Variants in PI15 observed in about 807,000 individuals in gnomAD.
The protein encoded by PI15 is peptidase inhibitor 15.
A neutral mutation model predicts 31.0 loss-of-function variants in PI15; 18 were observed. That is an observed-to-expected ratio of 0.58 (90% CI 0.40 to 0.86). PI15 has a LOEUF of 0.86. Among genes scored for constraint, PI15 ranks in the 40% least tolerant of loss-of-function variants. The probability of loss-of-function intolerance (pLI) is 0.00; values close to 1 mark genes in which losing one functional copy is unlikely to be tolerated. For synonymous variants in PI15, 118 were observed against 119.1 expected, an observed-to-expected ratio of 0.99 and a Z score of 0.06; for missense variants, 282 against 328.1, an observed-to-expected ratio of 0.86 and a Z score of 1.09.
In PI15 at chr8:74,827,579, C is replaced by A. The variant is rs150562385; in HGVS notation, c.273+2057C>A. The stretch of plus-strand genomic sequence containing the variant: ...AGACCCACAGATGTCAACGAGTAGG[C>A]CAAAGTGGTAAGGATAATGAATGGC... On this transcript the variant is annotated intron_variant, in intron 2 of 5. Coordinates refer to ENST00000260113, the MANE Select transcript of PI15 (RefSeq NM_015886.5). Among the ~76,000 whole-genome samples, 109 of 152,178 alleles carry A rather than the reference C, an allele frequency of 7.2e-4. No individual in the cohort carries two copies. The East Asian group carries it at 0.02, about 28-fold the overall frequency.
intron 3 of PI15, 125 bp from the exon 4 acceptor site, chr8:74,845,003 G>C (rs1406339429): frequency 3.9e-6 from 3 of 776,026 alleles, no homozygotes; most frequent in Non-Finnish European, 6.5e-6. Context: ...TGATTGTGAG[G>C]GGTGGATGTG....
At chr8:74,828,074 C>T (rs184999640) in intron 2 of PI15, among the ~76,000 whole-genome samples, 1 of 152,200 alleles carries the variant, frequency 6.6e-6, no homozygotes, top group African/African-American at 2.4e-5. Context: ...ATTGGGGATA[C>T]ATTCATGAAT....
At position 74,848,102 on chromosome 8, in the gene PI15, T is replaced by A. The variant is rs181519897; in HGVS notation, c.642-1016T>A. On this transcript the variant is annotated intron_variant, in intron 5 of 5. Coordinates refer to ENST00000260113, the MANE Select transcript of PI15 (RefSeq NM_015886.5). ...TGGAGATTTTGGTTTATTATTATGATAATGGCCATCAACACAGTGAAGGAA... is the reference window on the plus strand; with the variant it reads ...TGGAGATTTTGGTTTATTATTATGAAAATGGCCATCAACACAGTGAAGGAA... Among the ~76,000 whole-genome samples, 461 of 152,272 alleles carry A rather than the reference T, an allele frequency of 3.0e-3. 7 individuals carry two copies. Among genetic ancestry groups the A allele is most frequent in the African/African-American group, 4.2e-3 (175 of 41,558 alleles).
At chr8:74,829,208 T>C (rs1175417804) in intron 2 of PI15, among the ~76,000 whole-genome samples, 3 of 152,140 alleles carry the variant, frequency 2.0e-5, no homozygotes, top group African/African-American at 7.2e-5. Flanking sequence ...ATTTTGATAT[T>C]ATAAATGTCT....
chr8:74,849,303 G>A lies in PI15; in HGVS notation c.*50G>A, dbSNP rs1563571135. The stretch of plus-strand genomic sequence containing the variant: ...TAATGATTTCTGGGAACATGGGCAT[G>A]TATATATATATATGGAGAGAGAATT... On this transcript the variant is annotated 3_prime_UTR_variant, in exon 6 of 6. Coordinates refer to ENST00000260113, the MANE Select transcript of PI15 (RefSeq NM_015886.5). 15 of 1,323,850 alleles carry A rather than the reference G, an allele frequency of 1.1e-5. No individual in the cohort carries two copies. Among genetic ancestry groups the A allele is most frequent in the South Asian group, 2.6e-5 (2 of 76,300 alleles). The allele number at this position is 1,323,850 out of a possible 1,614,324, so 82.0% of individuals were successfully genotyped here. A position where few individuals can be genotyped will look rare whatever the true frequency, so the allele number is the denominator to read the frequency against.
intron 2 of PI15, 83 bp downstream of exon 2, chr8:74,825,605 G>T (rs940710973): frequency 1.7e-6 from 2 of 1,149,962 alleles, no homozygotes; most frequent in Admixed American, 2.2e-5. Context: ...AAACGACCAC[G>T]AGTGTTTATA....
At chr8:74,842,408 T>G (rs1810957617) in intron 2 of PI15, among the ~76,000 whole-genome samples, 1 of 152,118 alleles carries the variant, frequency 6.6e-6, no homozygotes, top group Non-Finnish European at 1.5e-5. Context: ...TAGAATAATA[T>G]ATAAATATTA....
intron 2 of PI15, among the ~76,000 whole-genome samples, chr8:74,842,995 A>T (rs1225383039): frequency 6.6e-6 from 1 of 152,182 alleles, no homozygotes; most frequent in East Asian, 1.9e-4. Context: ...ACCACCAATG[A>T]TTCAAATTAT....
rs763073877 is a variant in PI15 at position 74,849,158 on chromosome 8, C to T, written c.682C>T (p.Pro228Ser). Residue 228 changes from proline (P) to serine (S), a missense_variant, in exon 6 of 6, where the codon CCA (proline) becomes TCA (serine). By Grantham distance (74) the Pro-to-Ser change is moderately conservative. Coordinates refer to ENST00000260113, the MANE Select transcript of PI15 (RefSeq NM_015886.5). ...AGAAGCACCATATAAAGTAGGGGTACCATGTTCATCTTGTCCTCCAAGTTA... is the reference window on the plus strand; with the variant it reads ...AGAAGCACCATATAAAGTAGGGGTATCATGTTCATCTTGTCCTCCAAGTTA... Reference protein sequence around the residue: ...IGEAPYKVGVPCSSCPPSYGG... With the variant: ...IGEAPYKVGVSCSSCPPSYGG... 6.2e-7 allele frequency: 1 copy of T among 1,612,510 alleles called. No homozygotes were observed. The highest frequency in any genetic ancestry group is 8.5e-7 in the Non-Finnish European group (1 of 1,178,818).
intron 2 of PI15, among the ~76,000 whole-genome samples, chr8:74,842,017 T>C (rs1163260781): frequency 6.6e-6 from 1 of 152,110 alleles, no homozygotes; most frequent in Admixed American, 6.6e-5. Flanking sequence ...GTTTATCTTT[T>C]TTTTTCTTAT....
At chr8:74,845,768 A>G (rs1811017137) in intron 5 of PI15, 1 of 399,586 alleles carries the variant, frequency 2.5e-6, no homozygotes, top group Non-Finnish European at 4.6e-6. Flanking sequence ...AATTATGGCA[A>G]TTGTAAAATA....
chr8:74,833,017 C>G (rs1810810350), intron 2 of PI15, among the ~76,000 whole-genome samples: 1 of 152,220 alleles, frequency 6.6e-6, no homozygotes, highest in Non-Finnish European at 1.5e-5. Context: ...CCAGAGAGAT[C>G]ATGTTTTCAG....
In PI15 at chr8:74,849,296, T is replaced by G; in HGVS notation, c.*43T>G. 6.6e-7 allele frequency: 1 copy of G among 1,518,998 alleles called. No homozygotes were observed. The highest frequency in any genetic ancestry group is 1.7e-5 in the Admixed American group (1 of 57,812). 94.1% of individuals were successfully genotyped at this position (1,518,998 alleles called of 1,614,324 possible). ...GGAAATATAATGATTTCTGGGAACA[T>G]GGGCATGTATATATATATATGGAGA... is the stretch of plus-strand genomic sequence containing the variant. On this transcript the variant is annotated 3_prime_UTR_variant, in exon 6 of 6. Transcript: ENST00000260113.
intron 2 of PI15, among the ~76,000 whole-genome samples, chr8:74,829,572 A>G (rs967830891): frequency 3.3e-5 from 5 of 152,164 alleles, no homozygotes; most frequent in Non-Finnish European, 7.4e-5. Flanking sequence ...AATTAATTTG[A>G]AAAACTTTGA....
intron 2 of PI15, among the ~76,000 whole-genome samples, chr8:74,825,920 T>C (rs1372033955): frequency 6.6e-6 from 1 of 152,178 alleles, no homozygotes; most frequent in African/African-American, 2.4e-5. Flanking sequence ...TTATCAGCTA[T>C]ATCATTTCTT....
intron 2 of PI15, among the ~76,000 whole-genome samples, chr8:74,829,736 A>T (rs1810753933): frequency 6.6e-6 from 1 of 152,112 alleles, no homozygotes; most frequent in African/African-American, 2.4e-5. Flanking sequence ...GTAATAAAAG[A>T]GGTACAGAAA....
At position 74,849,097 on chromosome 8, in the gene PI15, CTT is replaced by C. The variant is rs763335450; in HGVS notation, c.642-16_642-15del. 2.5e-6 allele frequency: 4 copies of C among 1,606,240 alleles called. No individual in the cohort carries two copies. The highest frequency in any genetic ancestry group is 3.4e-6 in the Non-Finnish European group (4 of 1,176,454). On this transcript the variant is annotated intron_variant, in intron 5 of 5. Transcript: ENST00000260113. ...AATGGGTGGGTTGCACTAATGCTATCTTTTTTGTTTTCCCTTCTAGGGGCAAT... is the reference window on the plus strand; with the variant it reads ...AATGGGTGGGTTGCACTAATGCTATCTTTTGTTTTCCCTTCTAGGGGCAAT...
intron 5 of PI15, among the ~76,000 whole-genome samples, chr8:74,848,629 G>C (rs1811057452): frequency 6.6e-6 from 1 of 150,448 alleles, no homozygotes; most frequent in African/African-American, 2.4e-5. Context: ...GTATCATCAG[G>C]CGTTGTAGGC....
At chr8:74,844,950 G>C in intron 3 of PI15, 178 bp from the exon 4 acceptor site, 1 of 589,684 alleles carries the variant, frequency 1.7e-6, no homozygotes. Context: ...TTCCATGCTT[G>C]GCCCTAGTTG....
Sources: gnomAD v4.1 joint callset for allele counts (sites outside exome capture counted in the v4.1 genomes callset) on GRCh38, gnomAD v4.1.1 for gene constraint, MANE v1.5 for transcripts, NCBI Gene and HGNC (gene_info 2026-07-23, HGNC 2026-07-21) for gene names.